APOH: variants seen among roughly 807,000 people sequenced by gnomAD.
APOH encodes the protein apolipoprotein H, also known as beta-2-glycoprotein 1.
APOH carries 48 observed loss-of-function variants against 39.8 expected under a neutral mutation model. The ratio of observed to expected loss-of-function variants is 1.21; its 90% CI spans 0.96 to 1.54. The LOEUF is 1.54. Among genes scored for constraint, APOH ranks in the 40% most tolerant of loss-of-function variants. The probability of loss-of-function intolerance (pLI) is 0.00; values close to 1 mark genes in which losing one functional copy is unlikely to be tolerated. For synonymous variants in APOH, 153 were observed against 151.1 expected (o/e 1.01, Z -0.09); for missense variants, 415 against 421.2 (o/e 0.99, Z 0.13).
At chr17:66,218,943 G>T (rs1175915092) in intron 5 of APOH, among the ~76,000 whole-genome samples, 1 of 152,104 alleles carries the variant, frequency 6.6e-6, no homozygotes, top group African/African-American at 2.4e-5. Flanking sequence ...CTGGGAGGTA[G>T]ATGTTGCAGT....
chr17:66,220,822 C>T, intron 4 of APOH, 80 bp from the exon 5 acceptor site: 1 of 1,308,802 alleles, frequency 7.6e-7, no homozygotes, highest in South Asian at 1.5e-5. Context: ...AAAAAAAAAA[C>T]CCTAAGGATA....
chr17:66,214,406 T>G (rs768359315), intron 7 of APOH, 47 bp downstream of exon 7: 3 of 1,538,386 alleles, frequency 2.0e-6, no homozygotes, highest in South Asian at 2.2e-5. Context: ...CTGATTATGA[T>G]GACGGGCAAG....
chr17:66,229,247 T>A, intron 1 of APOH, 69 bp downstream of exon 1: 2 of 1,314,206 alleles, frequency 1.5e-6, no homozygotes, highest in African/African-American at 3.0e-5. Flanking sequence ...TACTTATCAT[T>A]ATTGATCCCT....
intron 6 of APOH, 29 bp from the exon 7 acceptor site, chr17:66,214,679 C>A (rs760084035): frequency 6.4e-7 from 1 of 1,571,620 alleles, no homozygotes; most frequent in Non-Finnish European, 8.7e-7. Context: ...GTAATCAGGA[C>A]TTAAGAGTTC....
At chr17:66,218,847 T>C (rs2073380968) in intron 5 of APOH, among the ~76,000 whole-genome samples, 1 of 151,834 alleles carries the variant, frequency 6.6e-6, no homozygotes, top group South Asian at 2.1e-4. Flanking sequence ...CCATCTCTAC[T>C]AAAATTATAA....
intron 1 of APOH, chr17:66,228,498 C>T (rs7213041): frequency 0.092 from 23,427 of 254,544 alleles, 1,463 homozygotes; most frequent in African/African-American, 0.21. Flanking sequence ...CCAGCATCCA[C>T]TCTAAAGAGA....
Position 66,216,880 on chromosome 17 carries a change from GT to G in APOH, c.691del (p.Thr231HisfsTer16). The G allele has an allele frequency of 6.2e-7, 1 of 1,613,534 alleles. No individual in the cohort carries two copies. Among genetic ancestry groups the G allele is most frequent in the Non-Finnish European group, 8.5e-7 (1 of 1,179,796 alleles). On this transcript the variant is annotated frameshift_variant, in exon 6 of 8. Coordinates refer to ENST00000205948, the MANE Select transcript of APOH (RefSeq NM_000042.3). LOFTEE classifies it high-confidence loss of function. ...AGAATATCCATCATGGCAGCCAAAT[GT>G]GGCTTTATCCTTGTAATAAAGTGTT... The part of the protein sequence containing the change: ...KPTLYYKDKA[T>X]FGCHDGYSLD...
Position 66,217,005 on chromosome 17 carries a change from T to C in APOH, c.605-38A>G, listed in dbSNP as rs8178856. On this transcript the variant is annotated intron_variant, in intron 5 of 7. Coordinates refer to ENST00000205948, the MANE Select transcript of APOH (RefSeq NM_000042.3). Reference sequence around the variant, plus strand: ...TTCAATAAGACATATTAGTAATAAATAGTGCTATCCAATAGTCATGAAATA... The same window carrying C: ...TTCAATAAGACATATTAGTAATAAACAGTGCTATCCAATAGTCATGAAATA... The C allele has an allele frequency of 1.4e-3, 2,081 of 1,504,696 alleles. 3 individuals are homozygous for C. The highest frequency in any genetic ancestry group is 1.8e-3 in the Non-Finnish European group (1,971 of 1,112,758). The allele number at this position is 1,504,696 out of a possible 1,614,324, so 93.2% of individuals were successfully genotyped here. A position where few individuals can be genotyped will look rare whatever the true frequency, so the allele number is the denominator to read the frequency against.
At chr17:66,226,833 T>TAA (rs202036658) in intron 2 of APOH, among the ~76,000 whole-genome samples, 1 of 151,902 alleles carries the variant, frequency 6.6e-6, no homozygotes, top group Non-Finnish European at 1.5e-5. Context: ...GCATGGAAAA[T>TAA]AAAAAAATGA....
At chr17:66,225,597 A>G (rs2073434431) in intron 3 of APOH, among the ~76,000 whole-genome samples, 1 of 152,246 alleles carries the variant, frequency 6.6e-6, no homozygotes, top group Non-Finnish European at 1.5e-5. Context: ...TCAGGAGCAG[A>G]AAAATTAGAT....
Position 66,212,204 on chromosome 17 carries a change from A to C in APOH, c.983-16T>G. The C allele has an allele frequency of 1.2e-6, 2 of 1,608,426 alleles. No homozygotes were observed. Among genetic ancestry groups the C allele is most frequent in the East Asian group, 2.2e-5 (1 of 44,830 alleles). On this transcript the variant is annotated splice_polypyrimidine_tract_variant and intron_variant, in intron 7 of 7. Coordinates refer to ENST00000205948, the MANE Select transcript of APOH (RefSeq NM_000042.3). ...GAACTGTGTTCTGTTGGGGGAGAAA[A>C]AGATAAACATTCTAAGAGAAACAAT...
chr17:66,229,170 C>T (rs2073459282), intron 1 of APOH, 146 bp downstream of exon 1: 1 of 546,960 alleles, frequency 1.8e-6, no homozygotes, highest in South Asian at 2.3e-5. Flanking sequence ...CTCCTGACCT[C>T]AGGTGATCCA....
chr17:66,220,535 G>A lies in APOH; in HGVS notation c.604+19C>T. 6.2e-7 allele frequency: 1 copy of A among 1,610,036 alleles called. No individual in the cohort carries two copies. The highest frequency in any genetic ancestry group is 1.7e-4 in the Middle Eastern group (1 of 6,052). On this transcript the variant is annotated intron_variant, in intron 5 of 7. Transcript: ENST00000205948. ...GATCTTGCCCTACCATGCGTATTTT[G>A]TCTGATCATTGCACTTACCCCTGCA...
At chr17:66,220,085 T>C (rs72837189) in intron 5 of APOH, among the ~76,000 whole-genome samples, 1 of 152,196 alleles carries the variant, frequency 6.6e-6, no homozygotes, top group Non-Finnish European at 1.5e-5. Context: ...TAAAGATTTT[T>C]AAAATGTGTA....
chr17:66,220,138 C>T lies in APOH; in HGVS notation c.604+416G>A, dbSNP rs576326142. ...CAGTCTTAACCTTCATCTCCTAGGACTCTCCAATTTAACCCAGGAACTTCA... is the reference window on the plus strand; with the variant it reads ...CAGTCTTAACCTTCATCTCCTAGGATTCTCCAATTTAACCCAGGAACTTCA... On this transcript the variant is annotated intron_variant, in intron 5 of 7. Transcript: ENST00000205948. Among the ~76,000 whole-genome samples the T allele has an allele frequency of 2.1e-4, 32 of 152,246 alleles. No individual in the cohort carries two copies. The South Asian group carries it at 3.5e-3, about 17-fold the overall frequency.
At chr17:66,215,313 A>T (rs934789436) in intron 6 of APOH, among the ~76,000 whole-genome samples, 1 of 152,196 alleles carries the variant, frequency 6.6e-6, no homozygotes, top group Non-Finnish European at 1.5e-5. Flanking sequence ...CATTAGCATC[A>T]CCAGGGAACC....
chr17:66,225,783 A>G (rs2073435535), intron 3 of APOH, among the ~76,000 whole-genome samples: 1 of 152,052 alleles, frequency 6.6e-6, no homozygotes, highest in African/African-American at 2.4e-5. Context: ...AGGCTGAGGC[A>G]GGAGAATGGT....
intron 6 of APOH, among the ~76,000 whole-genome samples, chr17:66,215,477 C>T (rs2073359457): frequency 6.6e-6 from 1 of 152,184 alleles, no homozygotes; most frequent in African/African-American, 2.4e-5. Flanking sequence ...CGCAAATCTG[C>T]CTCACTCTTT....
intron 3 of APOH, among the ~76,000 whole-genome samples, chr17:66,224,554 G>A (rs1428316314): frequency 2.4e-5 from 3 of 126,198 alleles, no homozygotes; most frequent in African/African-American, 9.3e-5. Flanking sequence ...AAGAAAGAAA[G>A]AAAAGAAAAG....
Sources: allele counts gnomAD v4.1 joint callset (sites outside exome capture counted in the v4.1 genomes callset), GRCh38; gene constraint gnomAD v4.1.1; transcripts MANE v1.5; gene names NCBI Gene and HGNC (gene_info 2026-07-23, HGNC 2026-07-21).